ADGRB3: variants seen among roughly 807,000 people sequenced by gnomAD.
ADGRB3 encodes adhesion G protein-coupled receptor B3, also known as brain-specific angiogenesis inhibitor 3.
In ADGRB3, 37 loss-of-function variants were observed where a neutral mutation model predicts 193.4. That is an observed-to-expected ratio of 0.19 (90% CI 0.15 to 0.25). ADGRB3 has a LOEUF of 0.25. Among genes scored for constraint, ADGRB3 ranks in the 10% least tolerant of loss-of-function variants. ADGRB3 has a pLI of 1.00. For missense variants in ADGRB3, 1,637 were observed against 1,852.9 expected (o/e 0.88, Z 2.14); for synonymous variants, 690 against 644.2 (o/e 1.07, Z -1.08).
intron 17 of ADGRB3, among the ~76,000 whole-genome samples, chr6:69,084,390 G>A (rs1216472036): frequency 3.3e-5 from 5 of 152,094 alleles, no homozygotes; most frequent in African/African-American, 9.7e-5. Flanking sequence ...CAAATGTGTA[G>A]AATCTACTCT....
intron 3 of ADGRB3, among the ~76,000 whole-genome samples, chr6:68,738,123 G>T (rs1765907100): frequency 6.6e-6 from 1 of 152,134 alleles, no homozygotes; most frequent in Non-Finnish European, 1.5e-5. Flanking sequence ...TGGGATAAGG[G>T]TTCTCATCAG....
chr6:68,739,952 G>A (rs1765945256), intron 3 of ADGRB3, among the ~76,000 whole-genome samples: 1 of 151,962 alleles, frequency 6.6e-6, no homozygotes, highest in East Asian at 1.9e-4. Context: ...TAATAGAGAT[G>A]CTTATTTAGC....
At chr6:69,100,842 G>GAAGA (rs1773014673) in intron 17 of ADGRB3, among the ~76,000 whole-genome samples, 2 of 42,160 alleles carry the variant, frequency 4.7e-5, no homozygotes, top group Non-Finnish European at 5.5e-5. Context: ...AGGAAGGAAG[G>GAAGA]AGGGAGGGAG....
intron 17 of ADGRB3, among the ~76,000 whole-genome samples, chr6:69,211,244 C>T (rs1765661080): frequency 6.6e-6 from 1 of 152,150 alleles, no homozygotes; most frequent in African/African-American, 2.4e-5. Context: ...AGGTCGGCAA[C>T]CTATAGCTGG....
intron 3 of ADGRB3, among the ~76,000 whole-genome samples, chr6:68,823,738 T>A (rs1310422050): frequency 6.6e-6 from 1 of 152,132 alleles, no homozygotes; most frequent in Non-Finnish European, 1.5e-5. Flanking sequence ...GGGGTCATGT[T>A]ATAAAATAAT....
chr6:68,962,767 C>T (rs1384893252), intron 8 of ADGRB3, among the ~76,000 whole-genome samples: 1 of 152,040 alleles, frequency 6.6e-6, no homozygotes, highest in East Asian at 1.9e-4. Flanking sequence ...TTTACCAAGA[C>T]ACTAAATCTG....
intron 17 of ADGRB3, among the ~76,000 whole-genome samples, chr6:69,180,667 G>T: frequency 6.6e-6 from 1 of 152,194 alleles, no homozygotes; most frequent in East Asian, 1.9e-4. Context: ...CTTAGTCCAG[G>T]AGAAACTGCA....
chr6:69,280,035 A>G (rs941902352), intron 20 of ADGRB3, among the ~76,000 whole-genome samples: 1 of 152,172 alleles, frequency 6.6e-6, no homozygotes, highest in Non-Finnish European at 1.5e-5. Context: ...TGGGCTCCCT[A>G]GTCATCGGCA....
At chr6:68,787,282 C>A (rs1235881573) in intron 3 of ADGRB3, among the ~76,000 whole-genome samples, 4 of 152,112 alleles carry the variant, frequency 2.6e-5, no homozygotes, top group Non-Finnish European at 5.9e-5. Context: ...ATGATATTGG[C>A]TGTGGGTTTG....
Position 69,363,139 on chromosome 6 carries a change from T to C in ADGRB3, c.4239+1627T>C, listed in dbSNP as rs147135851. ...ATAGACTGTATTTCCAAGAACTTCTTTCTTCAGTTTGTAATTTTTCCAAAT... is the reference window on the plus strand; with the variant it reads ...ATAGACTGTATTTCCAAGAACTTCTCTCTTCAGTTTGTAATTTTTCCAAAT... On this transcript the variant is annotated intron_variant, in intron 29 of 31. Coordinates refer to ENST00000370598, the MANE Select transcript of ADGRB3 (RefSeq NM_001704.3). Among the ~76,000 whole-genome samples, 592 of 152,084 alleles carry C rather than the reference T, an allele frequency of 3.9e-3. 3 individuals are homozygous for C. The highest frequency in any genetic ancestry group is 0.013 in the African/African-American group (551 of 41,532).
rs886456427 is a variant in ADGRB3, at chr6:69,256,488, G to C, written c.2814+17262G>C. ...CAATTGTGAATGGGCGTTCACTCATGATTTGGCTCTCTGTTTGTCTGTTAT... is the reference window on the plus strand; with the variant it reads ...CAATTGTGAATGGGCGTTCACTCATCATTTGGCTCTCTGTTTGTCTGTTAT... On this transcript the variant is annotated intron_variant, in intron 20 of 31. Transcript: ENST00000370598. 3.9e-5 allele frequency among the ~76,000 whole-genome samples: 6 copies of C among 152,178 alleles called. No homozygotes were observed. The South Asian group carries it at 8.3e-4, about 21-fold the overall frequency.
chr6:68,825,709 T>C (rs1767830518), intron 3 of ADGRB3, among the ~76,000 whole-genome samples: 1 of 152,142 alleles, frequency 6.6e-6, no homozygotes, highest in African/African-American at 2.4e-5. Flanking sequence ...TCACGAGATC[T>C]GATGGTTTTA....
intron 3 of ADGRB3, among the ~76,000 whole-genome samples, chr6:68,708,251 A>C (rs535807496): frequency 6.6e-6 from 1 of 152,274 alleles, no homozygotes; most frequent in East Asian, 1.9e-4. Context: ...GTATAAAGAG[A>C]GATATAACCC....
At chr6:68,920,416 G>A (rs1767003634) in intron 3 of ADGRB3, among the ~76,000 whole-genome samples, 1 of 150,882 alleles carries the variant, frequency 6.6e-6, no homozygotes, top group South Asian at 2.1e-4. Flanking sequence ...TACTCCGGAG[G>A]CTGAGGCAGG....
At chr6:69,384,648 A>T (rs1372207707) in intron 31 of ADGRB3, among the ~76,000 whole-genome samples, 1 of 152,016 alleles carries the variant, frequency 6.6e-6, no homozygotes, top group Non-Finnish European at 1.5e-5. Context: ...AAAATAGTCT[A>T]CTAATTACAC....
At chr6:69,268,320 A>G (rs1767092519) in intron 20 of ADGRB3, among the ~76,000 whole-genome samples, 1 of 152,098 alleles carries the variant, frequency 6.6e-6, no homozygotes, top group Non-Finnish European at 1.5e-5. Context: ...ACTATGTGTT[A>G]TTTTCTTGGG....
At chr6:69,061,036 T>C (rs2150307182) in intron 15 of ADGRB3, among the ~76,000 whole-genome samples, 2 of 151,846 alleles carry the variant, frequency 1.3e-5, no homozygotes, top group South Asian at 4.2e-4. Flanking sequence ...CTTCAAAATG[T>C]ACTGTACCTT....
intron 20 of ADGRB3, among the ~76,000 whole-genome samples, chr6:69,297,340 A>ATCTCTCTCTCTC (rs386407481): frequency 4.3e-3 from 476 of 111,748 alleles, no homozygotes; most frequent in African/African-American, 6.4e-3. Context: ...TTCTACTGAT[A>ATCTCTCTCTCTC]TCTCTCTCTC....
In ADGRB3 at chr6:68,936,621, C is replaced by T; in HGVS notation, c.971C>T (p.Thr324Ile). 6.2e-7 allele frequency: 1 copy of T among 1,613,894 alleles called. No homozygotes were observed. The highest frequency in any genetic ancestry group is 2.2e-5 in the East Asian group (1 of 44,870). Residue 324 changes from threonine to isoleucine, a missense_variant, in exon 5 of 32, where the codon ACA (threonine) becomes ATA (isoleucine). By Grantham distance (89) the Thr-to-Ile change is moderately conservative. This residue lies in a region of ADGRB3 where 365 missense variants were observed against 409.8 expected (regional missense o/e 0.89). Transcript: ENST00000370598. ...AGAACTTGTGTATCACCTTACGGGA[C>T]ACACTGCAGCGGCCCATTAAGAGAA... ...RTRTCVSPYG[T>I]HCSGPLRESR...
Sources: gnomAD v4.1 joint callset for allele counts (sites outside exome capture counted in the v4.1 genomes callset) on GRCh38, gnomAD v4.1.1 for gene constraint, gnomAD v4.1.1 regional missense constraint, MANE v1.5 for transcripts, NCBI Gene and HGNC (gene_info 2026-07-23, HGNC 2026-07-21) for gene names.